Variants in KIF21A observed in about 807,000 individuals in gnomAD.
The protein encoded by KIF21A is kinesin-like protein KIF21A.
KIF21A carries 114 observed loss-of-function variants against 202.9 expected under a neutral mutation model. The observed-to-expected ratio is 0.56, with a 90% CI of 0.48 to 0.66. The LOEUF (loss-of-function observed/expected upper bound fraction) is 0.66, where lower values mean the gene tolerates loss of function less well. Among genes scored for constraint, KIF21A ranks in the 30% least tolerant of loss-of-function variants. The pLI, the probability that KIF21A is intolerant of heterozygous loss-of-function variation, is 0.00. For missense variants in KIF21A, 1,677 were observed against 1,994.9 expected, an observed-to-expected ratio of 0.84 and a Z score of 3.04; for synonymous variants, 667 against 670.8, an observed-to-expected ratio of 0.99 and a Z score of 0.09.
At chr12:39,314,632 C>A (rs1387773911) in intron 31 of KIF21A, among the ~76,000 whole-genome samples, 1 of 151,752 alleles carries the variant, frequency 6.6e-6, no homozygotes, top group African/African-American at 2.4e-5. Context: ...CTAAACAGTA[C>A]CCTCAGATGT....
At position 39,382,240 on chromosome 12, in the gene KIF21A, G is replaced by A. The variant is rs138366438; in HGVS notation, c.45-11979C>T. ...TCTTTCATCATTCACTTAAAACACA[G>A]AAGATTCAGCTCTTATATATTTGTA... is the stretch of plus-strand genomic sequence containing the variant. On this transcript the variant is annotated intron_variant, in intron 1 of 37. Coordinates refer to ENST00000361418, the MANE Select transcript of KIF21A (RefSeq NM_001173464.2). Among the ~76,000 whole-genome samples the A allele has an allele frequency of 3.6e-3, 555 of 152,222 alleles. 2 individuals carry two copies. The highest frequency in any genetic ancestry group is 4.9e-3 in the Non-Finnish European group (336 of 67,996).
intron 1 of KIF21A, among the ~76,000 whole-genome samples, chr12:39,392,573 A>G (rs1471516929): frequency 1.3e-5 from 2 of 152,026 alleles, no homozygotes; most frequent in African/African-American, 4.8e-5. Flanking sequence ...TCAACCACTT[A>G]TGTTTGCCAG....
intron 33 of KIF21A, 86 bp from the exon 34 acceptor site, chr12:39,307,815 G>A: frequency 8.9e-7 from 1 of 1,119,970 alleles, no homozygotes; most frequent in Non-Finnish European, 1.3e-6. Flanking sequence ...GAAACTGGCT[G>A]TAGGCAACAA....
intron 33 of KIF21A, among the ~76,000 whole-genome samples, chr12:39,308,166 G>A (rs1029680637): frequency 1.3e-5 from 2 of 151,930 alleles, no homozygotes; most frequent in African/African-American, 4.8e-5. Flanking sequence ...TCAGGAGTTT[G>A]AGTCCAGCCT....
chr12:39,412,434 C>T (rs904599146), intron 1 of KIF21A, among the ~76,000 whole-genome samples: 19 of 152,116 alleles, frequency 1.2e-4, no homozygotes, highest in African/African-American at 4.6e-4. Flanking sequence ...AAGTAATTAG[C>T]GCCCAGGTGT....
At chr12:39,330,088 T>A in intron 24 of KIF21A, 154 bp downstream of exon 24, 1 of 652,660 alleles carries the variant, frequency 1.5e-6, no homozygotes, top group Non-Finnish European at 2.8e-6. Context: ...AGACTTAGTG[T>A]GTTTGTGGGC....
At chr12:39,412,788 C>T (rs934686810) in intron 1 of KIF21A, among the ~76,000 whole-genome samples, 1 of 152,138 alleles carries the variant, frequency 6.6e-6, no homozygotes, top group East Asian at 1.9e-4. Flanking sequence ...AGCAGTAACT[C>T]TTTACAAATA....
intron 2 of KIF21A, 30 bp from the exon 3 acceptor site, chr12:39,369,941 T>C: frequency 3.1e-6 from 5 of 1,605,120 alleles, no homozygotes; most frequent in Non-Finnish European, 4.3e-6. Flanking sequence ...AAGATTAGTG[T>C]TCAACCTTAA....
At chr12:39,395,323 A>G (rs1196218098) in intron 1 of KIF21A, among the ~76,000 whole-genome samples, 1 of 152,086 alleles carries the variant, frequency 6.6e-6, no homozygotes. Flanking sequence ...CCATTGCTCT[A>G]GAATTGTTCT....
At position 39,378,549 on chromosome 12, in the gene KIF21A, C is replaced by T. The variant is rs192338577; in HGVS notation, c.45-8288G>A. 2.0e-5 allele frequency among the ~76,000 whole-genome samples: 3 copies of T among 152,272 alleles called. No homozygotes were observed. The East Asian group carries it at 5.8e-4, about 29-fold the overall frequency. ...TGAGGGGAGGGAGTACTTCAAATGACAACAGGAACCATCTGCCTATTTTCC... is the reference window on the plus strand; with the variant it reads ...TGAGGGGAGGGAGTACTTCAAATGATAACAGGAACCATCTGCCTATTTTCC... On this transcript the variant is annotated intron_variant, in intron 1 of 37. Transcript: ENST00000361418.
intron 10 of KIF21A, among the ~76,000 whole-genome samples, chr12:39,355,458 A>G (rs1948694197): frequency 3.3e-5 from 5 of 152,040 alleles, no homozygotes; most frequent in Admixed American, 3.3e-4. Context: ...AAGAGAAAAG[A>G]GACGCAGCCT....
chr12:39,336,442 T>G (rs1340891823), intron 17 of KIF21A, among the ~76,000 whole-genome samples: 1 of 152,116 alleles, frequency 6.6e-6, no homozygotes, highest in East Asian at 1.9e-4. Flanking sequence ...ACTTAATGCA[T>G]GGTCATTTTT....
chr12:39,382,678 T>G (rs1950689636), intron 1 of KIF21A, among the ~76,000 whole-genome samples: 1 of 152,168 alleles, frequency 6.6e-6, no homozygotes, highest in Non-Finnish European at 1.5e-5. Context: ...TAAGGCAAAC[T>G]GAAGAGTCTC....
intron 1 of KIF21A, among the ~76,000 whole-genome samples, chr12:39,406,091 C>G (rs1952567350): frequency 6.6e-6 from 1 of 151,770 alleles, no homozygotes; most frequent in African/African-American, 2.4e-5. Context: ...TTTGAAGTAA[C>G]AGAACAGAGC....
At chr12:39,388,431 G>T (rs939037097) in intron 1 of KIF21A, among the ~76,000 whole-genome samples, 8 of 151,986 alleles carry the variant, frequency 5.3e-5, no homozygotes, top group Non-Finnish European at 4.4e-5. Context: ...TCATCTTCAG[G>T]TATTTGCTTA....
chr12:39,296,803 A>T (rs1462160146), intron 37 of KIF21A, among the ~76,000 whole-genome samples: 1 of 152,228 alleles, frequency 6.6e-6, no homozygotes, highest in African/African-American at 2.4e-5. Flanking sequence ...GGGCGATAAT[A>T]GATGTTCAGA....
rs190017340 is a variant in KIF21A at position 39,318,790 on chromosome 12, C to T, written c.3780-589G>A. ...AGGTCAGAGATTGAGAGCATCCTGG[C>T]TAACATGGTGAAACCCCGTCCCTAC... On this transcript the variant is annotated intron_variant, in intron 28 of 37. Transcript: ENST00000361418. 1.1e-4 allele frequency among the ~76,000 whole-genome samples: 16 copies of T among 152,222 alleles called. 1 individual carries two copies. Among genetic ancestry groups the T allele is most frequent in the African/African-American group, 3.9e-4 (16 of 41,550 alleles).
chr12:39,355,793 A>C lies in KIF21A; in HGVS notation c.1469+1039T>G, dbSNP rs186477708. 2.7e-5 allele frequency among the ~76,000 whole-genome samples: 4 copies of C among 148,648 alleles called. 1 individual carries two copies. Among genetic ancestry groups the C allele is most frequent in the African/African-American group, 1.0e-4 (4 of 39,804 alleles). ...ACACACACATACACAGAATAAAATT[A>C]TACTTGAATAACTATATTGCCACAT... On this transcript the variant is annotated intron_variant, in intron 10 of 37. Coordinates refer to ENST00000361418, the MANE Select transcript of KIF21A (RefSeq NM_001173464.2).
chr12:39,330,818 A>C lies in KIF21A; in HGVS notation c.3247T>G (p.Leu1083Val). The C allele has an allele frequency of 1.2e-6, 2 of 1,613,800 alleles. No individual in the cohort carries two copies. Among genetic ancestry groups the C allele is most frequent in the Non-Finnish European group, 1.7e-6 (2 of 1,179,684 alleles). ...GCCTTCTCTTTCAACATATGGAATAAGAGCTGGTTTTGGGTAGCACTGGTT... is the reference window on the plus strand; with the variant it reads ...GCCTTCTCTTTCAACATATGGAATACGAGCTGGTTTTGGGTAGCACTGGTT... ...EITSATQNQL[L>V]FHMLKEKAEL... The change falls in exon 23 of 38, where the codon TTA becomes GTA. Residue 1083 changes from leucine to valine, a missense_variant. Physicochemically the swap from Leu to Val is conservative, Grantham distance 32. Around this residue, in one of 3 missense-constraint regions of KIF21A, gnomAD observed 705 missense variants for 791.9 expected, o/e 0.89. Coordinates refer to ENST00000361418, the MANE Select transcript of KIF21A (RefSeq NM_001173464.2).
Sources: allele counts gnomAD v4.1 joint callset (sites outside exome capture counted in the v4.1 genomes callset), GRCh38; gene constraint gnomAD v4.1.1; regional missense constraint gnomAD v4.1.1; transcripts MANE v1.5; gene names NCBI Gene and HGNC (gene_info 2026-07-23, HGNC 2026-07-21).